The following PCDHGA3 variants were observed in gnomAD, a reference collection of about 807,000 sequenced individuals.
PCDHGA3 encodes the protein protocadherin gamma subfamily A, 3.
A neutral mutation model predicts 58.5 loss-of-function variants in PCDHGA3; 40 were observed. That is an observed-to-expected ratio of 0.68 (90% confidence interval 0.53 to 0.89). PCDHGA3 has a LOEUF of 0.89. PCDHGA3 is among the 40% of genes least tolerant of loss of function. The pLI, the probability that PCDHGA3 is intolerant of heterozygous loss-of-function variation, is 0.00. For missense variants in PCDHGA3, 1,223 were observed against 1,195.9 expected (o/e 1.02, Z -0.33); for synonymous variants, 530 against 525.7 (o/e 1.01, Z -0.11).
At chr5:141,483,648 T>TTGTGTGTGTG (rs111458813) in intron 1 of PCDHGA3, among the ~76,000 whole-genome samples, 23 of 149,708 alleles carry the variant, frequency 1.5e-4, no homozygotes, top group African/African-American at 3.9e-4. Context: ...GGGTGTGTGT[T>TTGTGTGTGTG]TGTGTGTGTG....
At chr5:141,359,201 G>A (rs908538216) in intron 1 of PCDHGA3, among the ~76,000 whole-genome samples, 2 of 152,124 alleles carry the variant, frequency 1.3e-5, no homozygotes, top group African/African-American at 4.8e-5. Flanking sequence ...ACAAGTGAAT[G>A]TTGAGAGACA....
chr5:141,510,898 T>G (rs1393880610), intron 3 of PCDHGA3, 49 bp from the exon 4 acceptor site: 1 of 1,613,278 alleles, frequency 6.2e-7, no homozygotes, highest in East Asian at 2.2e-5. Context: ...ACAGTGACTG[T>G]TGAGGACCCT....
rs759146011 is a variant in PCDHGA3, at chr5:141,477,635, G to A, written c.2425-17172G>A. 6.2e-7 allele frequency: 1 copy of A among 1,614,138 alleles called. No homozygotes were observed. The highest frequency in any genetic ancestry group is 8.5e-7 in the Non-Finnish European group (1 of 1,180,040). On this transcript the variant is annotated intron_variant, in intron 1 of 3. Coordinates refer to ENST00000253812, the MANE Select transcript of PCDHGA3 (RefSeq NM_018916.4). This position sits in a 1 kb window ranked among gnomAD's most constrained non-coding sequence, Gnocchi z 4.9. ...GCAAGGAGCTGAAACCGGGCTAGTG[G>A]GTCGCTATTTCACAATAAATCGTGA...
intron 1 of PCDHGA3, chr5:141,376,964 G>C (rs1365805251): frequency 6.2e-6 from 1 of 160,316 alleles, no homozygotes; most frequent in Non-Finnish European, 1.4e-5. Flanking sequence ...TGGGATTACA[G>C]GCGTGAGCCA....
chr5:141,388,842 A>C, intron 1 of PCDHGA3: 1 of 1,614,014 alleles, frequency 6.2e-7, no homozygotes, highest in Non-Finnish European at 8.5e-7. Flanking sequence ...TTTGGAAGCA[A>C]GGGACGGTGG....
At chr5:141,352,573 T>TC in intron 1 of PCDHGA3, 1 of 1,613,874 alleles carries the variant, frequency 6.2e-7, no homozygotes, top group Non-Finnish European at 8.5e-7. Context: ...CGGAAATGGC[T>TC]CCCCCTCAGG....
Position 141,485,063 on chromosome 5 carries a change from A to C in PCDHGA3, c.2425-9744A>C. On this transcript the variant is annotated intron_variant, in intron 1 of 3. Transcript: ENST00000253812. This position sits in a 1 kb window ranked among gnomAD's most constrained non-coding sequence, Gnocchi z 5.7. ...CTTGCGGCGCCGGCCGAACCGCGCC[A>C]GAGCTGGCGCGGGGAAAGGGAGATA... is the stretch of plus-strand genomic sequence containing the variant. 2 of 874,986 alleles carry C rather than the reference A, an allele frequency of 2.3e-6. No individual in the cohort carries two copies. Among genetic ancestry groups the C allele is most frequent in the Non-Finnish European group, 3.6e-6 (2 of 551,278 alleles). 54.2% of individuals were successfully genotyped at this position (874,986 alleles called of 1,614,324 possible).
intron 1 of PCDHGA3, chr5:141,393,852 G>A (rs780721020): frequency 3.1e-6 from 5 of 1,614,004 alleles, no homozygotes; most frequent in South Asian, 1.1e-5. Flanking sequence ...TAGACCAGAA[G>A]TGATCATTAC....
At position 141,431,738 on chromosome 5, in the gene PCDHGA3, TA is replaced by T; in HGVS notation, c.2425-63068del. ...AGTGCAAGCAATGGATAATGCAGGA[TA>T]TTCTGCGCGAGCCAAAGTCCTGATC... On this transcript the variant is annotated intron_variant, in intron 1 of 3. Coordinates refer to ENST00000253812, the MANE Select transcript of PCDHGA3 (RefSeq NM_018916.4). The surrounding 1 kb of genome is among the most constrained non-coding windows in gnomAD (Gnocchi z 4.8). The T allele has an allele frequency of 6.2e-7, 1 of 1,614,234 alleles. No individual in the cohort carries two copies. Among genetic ancestry groups the T allele is most frequent in the South Asian group, 1.1e-5 (1 of 91,092 alleles).
chr5:141,493,346 C>T lies in PCDHGA3; in HGVS notation c.2425-1461C>T, dbSNP rs766845200. Among the ~76,000 whole-genome samples, 5 of 152,172 alleles carry T rather than the reference C, an allele frequency of 3.3e-5. No individual in the cohort carries two copies. Among genetic ancestry groups the T allele is most frequent in the Non-Finnish European group, 7.3e-5 (5 of 68,028 alleles). On this transcript the variant is annotated intron_variant, in intron 1 of 3. Coordinates refer to ENST00000253812, the MANE Select transcript of PCDHGA3 (RefSeq NM_018916.4). The surrounding 1 kb of genome is among the most constrained non-coding windows in gnomAD (Gnocchi z 4.3). Reference sequence around the variant, plus strand: ...CCCCTGTCTAACTCCAGAATGTGTGCTTTTAATTTCTTGGCACTTGGAACT... The same window carrying T: ...CCCCTGTCTAACTCCAGAATGTGTGTTTTTAATTTCTTGGCACTTGGAACT...
At chr5:141,400,684 G>GT (rs1422516327) in intron 1 of PCDHGA3, 1 of 834,872 alleles carries the variant, frequency 1.2e-6, no homozygotes, top group African/African-American at 1.7e-5. Flanking sequence ...TAAATTGTGA[G>GT]TTTTTATGTC....
chr5:141,378,080 AT>A (rs1360120738), intron 1 of PCDHGA3: 30 of 152,322 alleles, frequency 2.0e-4, no homozygotes, highest in African/African-American at 7.2e-4. Flanking sequence ...AAATAATTTT[AT>A]AACTTTTTTT....
intron 1 of PCDHGA3, chr5:141,404,785 C>T (rs1028323734): frequency 1.9e-6 from 3 of 1,613,330 alleles, no homozygotes; most frequent in Admixed American, 1.7e-5. Context: ...TATTCAAGGC[C>T]AGTGAGCCAG....
chr5:141,390,418 A>T (rs2092141411), intron 1 of PCDHGA3: 1 of 1,099,772 alleles, frequency 9.1e-7, no homozygotes, highest in Admixed American at 2.6e-5. Context: ...TAGTCAGTTA[A>T]AAAGCTGTCA....
Position 141,344,501 on chromosome 5 carries a change from T to C in PCDHGA3, c.468T>C (p.Thr156=). ...TVPGTRFPIK[T]AFDPDVGINS... is the part of the protein sequence containing the mutation. Reference sequence around the variant, plus strand: ...CTGGAACCCGATTTCCAATTAAAACTGCTTTTGACCCAGATGTAGGCATTA... The same window carrying C: ...CTGGAACCCGATTTCCAATTAAAACCGCTTTTGACCCAGATGTAGGCATTA... Residue 156 remains threonine, a synonymous_variant, in exon 1 of 4, where the codon ACT becomes ACC. Coordinates refer to ENST00000253812, the MANE Select transcript of PCDHGA3 (RefSeq NM_018916.4). The C allele has an allele frequency of 6.2e-7, 1 of 1,613,986 alleles. No individual in the cohort carries two copies. Among genetic ancestry groups the C allele is most frequent in the Non-Finnish European group, 8.5e-7 (1 of 1,179,890 alleles).
intron 1 of PCDHGA3, chr5:141,404,600 C>G (rs1406207982): frequency 6.2e-7 from 1 of 1,613,938 alleles, no homozygotes; most frequent in Non-Finnish European, 8.5e-7. Flanking sequence ...GTCATTGAGA[C>G]TGTTTGTTTT....
chr5:141,409,278 A>C, intron 1 of PCDHGA3: 1 of 1,614,022 alleles, frequency 6.2e-7, no homozygotes, highest in Non-Finnish European at 8.5e-7. Flanking sequence ...ATTTTGGAGA[A>C]TTCACCTCCA....
chr5:141,366,847 A>G, intron 1 of PCDHGA3: 1 of 1,478,860 alleles, frequency 6.8e-7, no homozygotes. Context: ...TTATGTAAAT[A>G]GTGGAACATT....
At chr5:141,363,694 A>G (rs1278422329) in intron 1 of PCDHGA3, among the ~76,000 whole-genome samples, 1 of 152,244 alleles carries the variant, frequency 6.6e-6, no homozygotes, top group African/African-American at 2.4e-5. Context: ...ACTTACATAA[A>G]TCAGTAGGCC....
Sources: allele counts gnomAD v4.1 joint callset (sites outside exome capture counted in the v4.1 genomes callset), GRCh38; gene constraint gnomAD v4.1.1; non-coding constraint Gnocchi (gnomAD v3.1); transcripts MANE v1.5; gene names NCBI Gene and HGNC (gene_info 2026-07-23, HGNC 2026-07-21).